EPB41L4B: variants seen among roughly 807,000 people sequenced by gnomAD.
EPB41L4B encodes erythrocyte membrane protein band 4.1 like 4B.
A neutral mutation model predicts 112.5 loss-of-function variants in EPB41L4B; 30 were observed. The ratio of observed to expected loss-of-function variants is 0.27; its 90% CI spans 0.20 to 0.36. The LOEUF (loss-of-function observed/expected upper bound fraction) is 0.36. Among genes scored for constraint, EPB41L4B ranks in the 10% least tolerant of loss-of-function variants. The pLI is 1.00. For missense variants in EPB41L4B, 1,024 were observed against 1,133.3 expected (o/e 0.90, Z 1.38); for synonymous variants, 408 against 439.7 (o/e 0.93, Z 0.90).
At position 109,176,623 on chromosome 9, in the gene EPB41L4B, C is replaced by A. The variant is rs1382370935; in HGVS notation, c.2561G>T (p.Arg854Met). Reference sequence around the variant, plus strand: ...TGTGGAGACGGTCTCTGTCAAAGGCCTCAGGGTCGCTGCTGGGATCAGCGG... The same window carrying A: ...TGTGGAGACGGTCTCTGTCAAAGGCATCAGGGTCGCTGCTGGGATCAGCGG... Reference protein sequence around the residue: ...TSPLIPAATLRPLTETVSTVQ... With the variant: ...TSPLIPAATLMPLTETVSTVQ... Residue 854 changes from arginine (R) to methionine (M), a missense_variant, in exon 25 of 26, where the codon AGG (arginine) becomes ATG (methionine). By Grantham distance (91) the Arg-to-Met change is moderately conservative. Coordinates refer to ENST00000374566, the MANE Select transcript of EPB41L4B (RefSeq NM_019114.5). 5.0e-6 allele frequency: 8 copies of A among 1,614,020 alleles called. No homozygotes were observed. Among genetic ancestry groups the A allele is most frequent in the Non-Finnish European group, 6.8e-6 (8 of 1,179,986 alleles).
rs750357663 is a variant in EPB41L4B, at chr9:109,247,863, T to C, written c.1311-74A>G. ...GTAGAGTGGCATTATTAATGATTTA[T>C]TTAACAATCATGAACTATTCCTATG... On this transcript the variant is annotated intron_variant, in intron 13 of 25. Coordinates refer to ENST00000374566, the MANE Select transcript of EPB41L4B (RefSeq NM_019114.5). 2.7e-5 allele frequency: 33 copies of C among 1,204,332 alleles called. No homozygotes were observed. The Admixed American group carries it at 4.3e-4, about 16-fold the overall frequency. 74.6% of individuals were successfully genotyped at this position (1,204,332 alleles called of 1,614,324 possible). A position where few individuals can be genotyped will look rare whatever the true frequency, so the allele number is the denominator to read the frequency against.
At chr9:109,279,263 G>C (rs967320110) in intron 2 of EPB41L4B, among the ~76,000 whole-genome samples, 8 of 151,848 alleles carry the variant, frequency 5.3e-5, no homozygotes, top group Non-Finnish European at 1.0e-4. Context: ...CCACTAGGGA[G>C]GCTGAGGTGG....
intron 18 of EPB41L4B, among the ~76,000 whole-genome samples, chr9:109,206,342 C>A (rs1022418466): frequency 6.6e-6 from 1 of 152,128 alleles, no homozygotes; most frequent in African/African-American, 2.4e-5. Flanking sequence ...ACCACCACAC[C>A]TGGCTAAGTT....
intron 18 of EPB41L4B, among the ~76,000 whole-genome samples, chr9:109,207,054 A>G (rs1833012134): frequency 6.6e-6 from 1 of 152,242 alleles, no homozygotes; most frequent in African/African-American, 2.4e-5. Flanking sequence ...CAGGACCCAC[A>G]GGCATGTCTT....
intron 15 of EPB41L4B, among the ~76,000 whole-genome samples, chr9:109,232,036 G>A (rs552381372): frequency 1.3e-5 from 2 of 151,874 alleles, no homozygotes; most frequent in East Asian, 3.9e-4. Context: ...CTGTTGCCCA[G>A]GCTGGAGTGC....
intron 1 of EPB41L4B, among the ~76,000 whole-genome samples, chr9:109,311,033 G>A (rs186732002): frequency 6.6e-6 from 1 of 152,140 alleles, no homozygotes; most frequent in Non-Finnish European, 1.5e-5. Flanking sequence ...CCGGGGTTTG[G>A]GGGGAGTGAA....
At chr9:109,181,418 A>AACAATC (rs1832047608) in intron 24 of EPB41L4B, among the ~76,000 whole-genome samples, 1 of 152,212 alleles carries the variant, frequency 6.6e-6, no homozygotes, top group Non-Finnish European at 1.5e-5. Flanking sequence ...CTTGAGAAAC[A>AACAATC]ACAATCATAA....
intron 25 of EPB41L4B, among the ~76,000 whole-genome samples, chr9:109,175,272 C>T (rs4978776): frequency 0.81 from 122,683 of 152,056 alleles, 49,699 homozygotes; most frequent in African/African-American, 0.85. Context: ...TTAAATCATG[C>T]TTTAAATTGG....
intron 1 of EPB41L4B, among the ~76,000 whole-genome samples, chr9:109,299,407 G>A (rs1836869654): frequency 6.6e-6 from 1 of 152,004 alleles, no homozygotes. Context: ...TCCTGAGCAG[G>A]TGAGACTACA....
intron 15 of EPB41L4B, among the ~76,000 whole-genome samples, chr9:109,227,259 TTTTC>T (rs1833815534): frequency 6.6e-6 from 1 of 152,156 alleles, no homozygotes; most frequent in Admixed American, 6.5e-5. Context: ...ACATCATTCT[TTTTC>T]TTTTTTTTCT....
At chr9:109,268,466 A>G in intron 2 of EPB41L4B, 33 bp from the exon 3 acceptor site, 1 of 1,593,382 alleles carries the variant, frequency 6.3e-7, no homozygotes, top group Non-Finnish European at 8.5e-7. Flanking sequence ...CTTTAGGAAT[A>G]GTTCATCAGC....
At chr9:109,309,541 A>G (rs1189807448) in intron 1 of EPB41L4B, among the ~76,000 whole-genome samples, 1 of 152,180 alleles carries the variant, frequency 6.6e-6, no homozygotes, top group Non-Finnish European at 1.5e-5. Context: ...ACCTAAAAAC[A>G]CATGTGAAAA....
At chr9:109,229,849 C>T (rs1833898250) in intron 15 of EPB41L4B, among the ~76,000 whole-genome samples, 1 of 152,160 alleles carries the variant, frequency 6.6e-6, no homozygotes, top group South Asian at 2.1e-4. Flanking sequence ...GCCTTGTCTG[C>T]TTGTCCCAGC....
intron 15 of EPB41L4B, among the ~76,000 whole-genome samples, chr9:109,238,856 A>G (rs1033797044): frequency 6.6e-6 from 1 of 152,242 alleles, no homozygotes; most frequent in Non-Finnish European, 1.5e-5. Context: ...TGTGAGTAAC[A>G]GCAGGGTGTG....
intron 1 of EPB41L4B, 109 bp from the exon 2 acceptor site, chr9:109,280,030 A>G: frequency 1.4e-6 from 1 of 709,960 alleles, no homozygotes; most frequent in Non-Finnish European, 2.3e-6. Flanking sequence ...ATGTCAGCAC[A>G]CACAAATTTT....
At chr9:109,208,180 A>G in intron 17 of EPB41L4B, 131 bp from the exon 18 acceptor site, 1 of 1,079,378 alleles carries the variant, frequency 9.3e-7, no homozygotes, top group Non-Finnish European at 1.3e-6. Flanking sequence ...CCAACTCCTT[A>G]TATTTTTATC....
chr9:109,191,911 CAGATGGATCGTCGGAAGCAACAGCAAG>C (rs1256102850), intron 22 of EPB41L4B, among the ~76,000 whole-genome samples: 1 of 152,166 alleles, frequency 6.6e-6, no homozygotes, highest in Non-Finnish European at 1.5e-5. Flanking sequence ...TGCTTCAGAC[CAGATGGATCGTCGGAAGCAACAGCAAG>C]AGATTCCCCA....
At chr9:109,246,237 A>G (rs1834552367) in intron 14 of EPB41L4B, among the ~76,000 whole-genome samples, 1 of 152,216 alleles carries the variant, frequency 6.6e-6, no homozygotes, top group African/African-American at 2.4e-5. Context: ...CTTTGTCTCT[A>G]TTAAAAATGT....
At chr9:109,175,918 G>A (rs1272983071) in intron 25 of EPB41L4B, among the ~76,000 whole-genome samples, 1 of 152,032 alleles carries the variant, frequency 6.6e-6, no homozygotes, top group Non-Finnish European at 1.5e-5. Context: ...CTCCTCCCAG[G>A]TATCTGCAGC....
Sources: gnomAD v4.1 joint callset for allele counts (sites outside exome capture counted in the v4.1 genomes callset) on GRCh38, gnomAD v4.1.1 for gene constraint, MANE v1.5 for transcripts, NCBI Gene and HGNC (gene_info 2026-07-23, HGNC 2026-07-21) for gene names.